QTMAN: variants seen among roughly 807,000 people sequenced by gnomAD.
QTMAN encodes the protein tRNA-queuosine alpha-mannosyltransferase.
the QTMAN span, among the ~76,000 whole-genome samples, chr2:143,991,447 C>T: frequency 6.8e-6 from 1 of 147,064 alleles, no homozygotes; most frequent in Non-Finnish European, 1.5e-5. Context: ...GGGTCAGCCC[C>T]CCACCCGGCC....
chr2:143,951,891 A>G, the QTMAN span: 2 of 682,074 alleles, frequency 2.9e-6, no homozygotes, highest in South Asian at 1.8e-5. Context: ...TCCTTTAAAC[A>G]TTAGTATGTT....
chr2:143,983,470 T>TG, the QTMAN span, among the ~76,000 whole-genome samples: 1 of 121,224 alleles, frequency 8.2e-6, no homozygotes, highest in Admixed American at 8.4e-5. Context: ...TTTTTGAGGT[T>TG]TTTTTTTTTT....
the QTMAN span, among the ~76,000 whole-genome samples, chr2:144,005,288 C>T: frequency 1.3e-5 from 2 of 152,098 alleles, no homozygotes; most frequent in Non-Finnish European, 1.5e-5. Flanking sequence ...AGTAATACTC[C>T]TGACATATTG....
chr2:144,029,934 C>T, the QTMAN span, among the ~76,000 whole-genome samples: 278 of 152,218 alleles, frequency 1.8e-3, no homozygotes, highest in African/African-American at 6.4e-3. Context: ...GTGTACCCAT[C>T]TGCATTTATT....
At chr2:144,040,545 T>C in the QTMAN span, among the ~76,000 whole-genome samples, 20 of 152,310 alleles carry the variant, frequency 1.3e-4, no homozygotes, top group East Asian at 2.7e-3. Context: ...GTGAGCTATA[T>C]ACGTCGCTAA....
the QTMAN span, among the ~76,000 whole-genome samples, chr2:143,974,527 T>C: frequency 6.6e-6 from 1 of 152,206 alleles, no homozygotes; most frequent in African/African-American, 2.4e-5. Flanking sequence ...AATATACTTC[T>C]TGAAGTAGAA....
the QTMAN span, among the ~76,000 whole-genome samples, chr2:144,281,898 T>C: frequency 5.1e-4 from 78 of 152,230 alleles, no homozygotes; most frequent in African/African-American, 1.8e-3. Context: ...CATGTGCAGG[T>C]TTGTAATTTC....
At chr2:144,318,792 T>C in the QTMAN span, among the ~76,000 whole-genome samples, 1 of 152,240 alleles carries the variant, frequency 6.6e-6, no homozygotes, top group Non-Finnish European at 1.5e-5. Flanking sequence ...CTATGGTTTA[T>C]ATCTAGGCTG....
At chr2:144,301,092 A>T in the QTMAN span, among the ~76,000 whole-genome samples, 1,915 of 152,336 alleles carry the variant, frequency 0.013, 11 homozygotes, top group Admixed American at 0.017. Context: ...ATCTTTATTT[A>T]AAAAAATCTG....
At chr2:144,199,737 G>T in the QTMAN span, among the ~76,000 whole-genome samples, 2 of 152,172 alleles carry the variant, frequency 1.3e-5, no homozygotes, top group African/African-American at 2.4e-5. Context: ...TGACAAAGTT[G>T]AATGAGAGAC....
the QTMAN span, among the ~76,000 whole-genome samples, chr2:143,966,411 C>T: frequency 6.6e-6 from 1 of 152,208 alleles, no homozygotes; most frequent in Non-Finnish European, 1.5e-5. Flanking sequence ...TGGAGTGGGA[C>T]TATAAGTTTC....
the QTMAN span, among the ~76,000 whole-genome samples, chr2:144,324,641 C>T: frequency 6.6e-6 from 1 of 152,094 alleles, no homozygotes; most frequent in Non-Finnish European, 1.5e-5. Context: ...TCACAAGGTC[C>T]GGACACAGAG....
chr2:144,213,348 T>C, the QTMAN span, among the ~76,000 whole-genome samples: 1 of 152,184 alleles, frequency 6.6e-6, no homozygotes, highest in African/African-American at 2.4e-5. Context: ...ACAGTATAGA[T>C]ATTAAAAATC....
At chr2:144,015,684 G>A in the QTMAN span, among the ~76,000 whole-genome samples, 1 of 152,146 alleles carries the variant, frequency 6.6e-6, no homozygotes, top group Admixed American at 6.5e-5. Context: ...GTATGTTCAG[G>A]TACCACAGTA....
the QTMAN span, among the ~76,000 whole-genome samples, chr2:144,284,611 A>C: frequency 6.6e-6 from 1 of 152,160 alleles, no homozygotes; most frequent in Non-Finnish European, 1.5e-5. Flanking sequence ...GAAAAATAAA[A>C]ATAAAAGAAA....
chr2:144,028,471 G>C, the QTMAN span, among the ~76,000 whole-genome samples: 1 of 152,100 alleles, frequency 6.6e-6, no homozygotes, highest in African/African-American at 2.4e-5. Context: ...GATTTTTAAA[G>C]TTACAGTCAC....
the QTMAN span, among the ~76,000 whole-genome samples, chr2:144,127,594 A>G: frequency 6.6e-6 from 1 of 152,058 alleles, no homozygotes; most frequent in Non-Finnish European, 1.5e-5. Context: ...AAAAGAGGTC[A>G]GTTTAGATGC....
At chr2:144,203,145 T>G in the QTMAN span, among the ~76,000 whole-genome samples, 1 of 129,854 alleles carries the variant, frequency 7.7e-6, no homozygotes, top group Non-Finnish European at 1.6e-5. Flanking sequence ...AGTTTTACAA[T>G]GAAGAGTGTG....
chr2:144,036,219 C>T, the QTMAN span, among the ~76,000 whole-genome samples: 4 of 152,154 alleles, frequency 2.6e-5, no homozygotes, highest in Non-Finnish European at 4.4e-5. Context: ...CCTATTGCCT[C>T]CATTATTTAA....
Sources: allele counts gnomAD v4.1 joint callset (sites outside exome capture counted in the v4.1 genomes callset), GRCh38; gene constraint gnomAD v4.1.1; transcripts MANE v1.5; gene names NCBI Gene and HGNC (gene_info 2026-07-23, HGNC 2026-07-21).